PCDH15: variants seen among roughly 807,000 people sequenced by gnomAD.
The protein encoded by PCDH15 is protocadherin-15.
In PCDH15, 129 loss-of-function variants were observed where a neutral mutation model predicts 178.5. That is an observed-to-expected ratio of 0.72 (90% CI 0.63 to 0.84). The LOEUF (loss-of-function observed/expected upper bound fraction) is 0.84, where lower values mean the gene tolerates loss of function less well. Ranked by LOEUF, PCDH15 falls within the 40% of genes least tolerant of loss-of-function variation. The probability of loss-of-function intolerance (pLI) is 0.00; values close to 1 mark genes in which losing one functional copy is unlikely to be tolerated. For missense variants in PCDH15, 2,230 were observed against 2,099.9 expected, an observed-to-expected ratio of 1.06 and a Z score of -1.21; for synonymous variants, 800 against 732.0, an observed-to-expected ratio of 1.09 and a Z score of -1.50.
chr10:55,440,261 C>A (rs1216148942), intron 2 of PCDH15, among the ~76,000 whole-genome samples: 1 of 152,116 alleles, frequency 6.6e-6, no homozygotes, highest in Non-Finnish European at 1.5e-5. Context: ...GAATACTCTT[C>A]ATAATGTCAA....
intron 9 of PCDH15, among the ~76,000 whole-genome samples, chr10:54,216,953 CTA>C (rs567849961): frequency 6.9e-4 from 105 of 151,940 alleles, no homozygotes; most frequent in African/African-American, 2.4e-3. Context: ...TTATTTTCAG[CTA>C]TATTAAGTAA....
chr10:55,441,120 G>T (rs1839174834), intron 2 of PCDH15, among the ~76,000 whole-genome samples: 1 of 152,122 alleles, frequency 6.6e-6, no homozygotes, highest in South Asian at 2.1e-4. Context: ...TTCTCTACAA[G>T]TCTAATTTCT....
chr10:55,567,363 A>G (rs1842322710), intron 2 of PCDH15, among the ~76,000 whole-genome samples: 1 of 151,842 alleles, frequency 6.6e-6, no homozygotes, highest in Admixed American at 6.6e-5. Flanking sequence ...CAGATTTGGC[A>G]ATATTTTTTA....
chr10:55,361,006 G>A (rs7094690), intron 2 of PCDH15, among the ~76,000 whole-genome samples: 83,670 of 151,658 alleles, frequency 0.55, 23,748 homozygotes, highest in African/African-American at 0.67. Context: ...ATAGCAACAC[G>A]AACGAACTGC....
chr10:55,454,158 C>T (rs1020861775), intron 2 of PCDH15, among the ~76,000 whole-genome samples: 5 of 151,926 alleles, frequency 3.3e-5, no homozygotes, highest in African/African-American at 4.8e-5. Context: ...CAAATCTGCA[C>T]ATTATTATTC....
At chr10:55,027,209 T>C (rs955856668) in intron 2 of PCDH15, among the ~76,000 whole-genome samples, 8 of 151,882 alleles carry the variant, frequency 5.3e-5, no homozygotes, top group African/African-American at 1.7e-4. Flanking sequence ...TTTTCTTTTT[T>C]GGGAAAGGAC....
chr10:54,763,268 C>A (rs1948106211), intron 1 of PCDH15, among the ~76,000 whole-genome samples: 1 of 152,066 alleles, frequency 6.6e-6, no homozygotes, highest in South Asian at 2.1e-4. Context: ...AGGTGGAAAA[C>A]AGTGAGATGT....
chr10:54,923,999 A>G (rs1257648520), intron 2 of PCDH15, among the ~76,000 whole-genome samples: 1 of 136,952 alleles, frequency 7.3e-6, no homozygotes, highest in African/African-American at 2.5e-5. Flanking sequence ...AAAAAGAACT[A>G]TCTGAGACTG....
intron 1 of PCDH15, among the ~76,000 whole-genome samples, chr10:55,173,187 T>G (rs566511188): frequency 2.6e-5 from 4 of 151,948 alleles, no homozygotes; most frequent in South Asian, 4.1e-4. Flanking sequence ...AACCTCCAGG[T>G]AACATACTGA....
chr10:54,833,376 T>C (rs1426274923), intron 3 of PCDH15, among the ~76,000 whole-genome samples: 2 of 152,212 alleles, frequency 1.3e-5, no homozygotes, highest in Non-Finnish European at 2.9e-5. Flanking sequence ...TTAGTAACTT[T>C]GAGTAAAGCA....
chr10:54,361,354 T>A (rs564506251), intron 5 of PCDH15, among the ~76,000 whole-genome samples: 1 of 152,218 alleles, frequency 6.6e-6, no homozygotes, highest in African/African-American at 2.4e-5. Flanking sequence ...TATTTTACTT[T>A]TAGAATAATA....
chr10:54,439,591 T>G (rs1037755620), intron 3 of PCDH15, among the ~76,000 whole-genome samples: 4 of 144,418 alleles, frequency 2.8e-5, no homozygotes, highest in African/African-American at 1.2e-4. Flanking sequence ...TTGGAAGCAG[T>G]GGGGAAAAAA....
intron 2 of PCDH15, among the ~76,000 whole-genome samples, chr10:55,095,353 A>C (rs1842423703): frequency 6.6e-6 from 1 of 152,034 alleles, no homozygotes; most frequent in Non-Finnish European, 1.5e-5. Context: ...TGTTAAATAT[A>C]TTAATTTTGA....
intron 5 of PCDH15, among the ~76,000 whole-genome samples, chr10:54,365,309 A>G (rs1346235662): frequency 1.3e-5 from 2 of 152,162 alleles, no homozygotes; most frequent in Non-Finnish European, 2.9e-5. Flanking sequence ...AATGTGCATA[A>G]AAAGAGCTTA....
chr10:53,897,306 A>T (rs1188469856), intron 26 of PCDH15, among the ~76,000 whole-genome samples: 1 of 151,928 alleles, frequency 6.6e-6, no homozygotes, highest in Non-Finnish European at 1.5e-5. Context: ...AAAACGCAGT[A>T]CATAGTCAAG....
intron 3 of PCDH15, among the ~76,000 whole-genome samples, chr10:54,843,868 A>G (rs936951288): frequency 6.6e-6 from 1 of 152,016 alleles, no homozygotes; most frequent in African/African-American, 2.4e-5. Context: ...ATGGCAATGA[A>G]CAATTGGACA....
intron 3 of PCDH15, among the ~76,000 whole-genome samples, chr10:54,454,101 A>G (rs1206341300): frequency 6.7e-6 from 1 of 150,264 alleles, no homozygotes; most frequent in Non-Finnish European, 1.5e-5. Flanking sequence ...AGATTTATAT[A>G]TTTATAAATA....
At chr10:53,930,559 G>T (rs945660171) in intron 25 of PCDH15, among the ~76,000 whole-genome samples, 10 of 148,864 alleles carry the variant, frequency 6.7e-5, no homozygotes, top group Non-Finnish European at 1.5e-4. Flanking sequence ...GTTGTTTTCA[G>T]ATAAACACAG....
rs71007808 is a variant in PCDH15 at position 54,118,778 on chromosome 10, A to ATTT, written c.1917+14094_1917+14096dup. 1.6e-3 allele frequency among the ~76,000 whole-genome samples: 243 copies of ATTT among 150,722 alleles called. 10 individuals carry two copies. In the East Asian group the frequency reaches 0.023, roughly 14 times the overall value. On this transcript the variant is annotated intron_variant, in intron 15 of 37. Transcript: ENST00000644397. ...GAAAACCTAGGAAAGTTTTATTTTT[A>ATTT]TTTTTTTTTGTCAAAATGATGAATT...
Sources: allele counts gnomAD v4.1 joint callset (sites outside exome capture counted in the v4.1 genomes callset), GRCh38; gene constraint gnomAD v4.1.1; transcripts MANE v1.5; gene names NCBI Gene and HGNC (gene_info 2026-07-23, HGNC 2026-07-21).